LDB2: variants seen among roughly 807,000 people sequenced by gnomAD.
The protein encoded by LDB2 is LIM domain-binding protein 2.
Under a neutral mutation model 44.3 loss-of-function variants are expected in LDB2, and 12 were observed. The ratio of observed to expected loss-of-function variants is 0.27; its 90% CI spans 0.17 to 0.44. The LOEUF (loss-of-function observed/expected upper bound fraction) is 0.44, where lower values mean the gene tolerates loss of function less well. LDB2 is among the 20% of genes least tolerant of loss of function. The pLI, the probability that LDB2 is intolerant of heterozygous loss-of-function variation, is 1.00. For synonymous variants in LDB2, 164 were observed against 174.8 expected (o/e 0.94, Z 0.49); for missense variants, 344 against 473.5 (o/e 0.73, Z 2.54).
intron 2 of LDB2, among the ~76,000 whole-genome samples, chr4:16,659,671 G>GTGTGTATATATATATATCTATATATA (rs1315288524): frequency 7.5e-6 from 1 of 133,522 alleles, no homozygotes; most frequent in African/African-American, 3.0e-5. Context: ...ATCTATGTGT[G>GTGTGTATATATATATATCTATATATA]TATATATATA....
intron 5 of LDB2, among the ~76,000 whole-genome samples, chr4:16,562,974 C>A (rs1369277339): frequency 6.6e-6 from 1 of 151,932 alleles, no homozygotes; most frequent in African/African-American, 2.4e-5. Context: ...GGACAAAAAA[C>A]CAAACACCGC....
At chr4:16,674,845 C>T (rs768971661) in intron 2 of LDB2, among the ~76,000 whole-genome samples, 18 of 152,104 alleles carry the variant, frequency 1.2e-4, no homozygotes, top group South Asian at 6.2e-4. Flanking sequence ...CTCTCTTCTT[C>T]GGTGAATTTC....
Position 16,808,846 on chromosome 4 carries a change from T to C in LDB2, c.133-49586A>G, listed in dbSNP as rs140933477. ...TAGTACAGCAGTAAATAGCGGGTCC[T>C]GGTGTACATTTATGGCTAGCTCTCC... On this transcript the variant is annotated intron_variant, in intron 1 of 7. Transcript: ENST00000304523. Among the ~76,000 whole-genome samples the C allele has an allele frequency of 6.6e-5, 10 of 152,298 alleles. No homozygotes were observed. In the East Asian group the frequency reaches 1.4e-3, roughly 21 times the overall value.
chr4:16,793,070 G>A (rs1343211481), intron 1 of LDB2, among the ~76,000 whole-genome samples: 1 of 152,160 alleles, frequency 6.6e-6, no homozygotes, highest in African/African-American at 2.4e-5. Flanking sequence ...GAGGTTGAAG[G>A]TGGCTATTTT....
intron 5 of LDB2, among the ~76,000 whole-genome samples, chr4:16,553,231 C>T (rs896012645): frequency 1.3e-5 from 2 of 152,210 alleles, no homozygotes; most frequent in Non-Finnish European, 2.9e-5. Flanking sequence ...TAGCTCATTG[C>T]AGCCTTGAAC....
At chr4:16,767,697 G>C (rs554230395) in intron 1 of LDB2, among the ~76,000 whole-genome samples, 10 of 152,358 alleles carry the variant, frequency 6.6e-5, no homozygotes, top group African/African-American at 2.4e-4. Context: ...CCTGAACACA[G>C]ACAGGGGAAG....
At chr4:16,734,934 C>T (rs1023452845) in intron 2 of LDB2, among the ~76,000 whole-genome samples, 1 of 151,898 alleles carries the variant, frequency 6.6e-6, no homozygotes, top group Non-Finnish European at 1.5e-5. Flanking sequence ...GTCTCGAACT[C>T]CTGACCTCAG....
At position 16,662,169 on chromosome 4, in the gene LDB2, T is replaced by C. The variant is rs544310071; in HGVS notation, c.236-66294A>G. ...TTGAATAGCTTGGTTTCTACCCGAC[T>C]CATGCCATTCCTCACCACAGTGCCC... is the stretch of plus-strand genomic sequence containing the variant. On this transcript the variant is annotated intron_variant, in intron 2 of 7. Coordinates refer to ENST00000304523, the MANE Select transcript of LDB2 (RefSeq NM_001290.5). Among the ~76,000 whole-genome samples, 11 of 152,278 alleles carry C rather than the reference T, an allele frequency of 7.2e-5. No homozygotes were observed. The South Asian group carries it at 1.7e-3, about 23-fold the overall frequency.
chr4:16,763,351 G>T (rs940914188), intron 1 of LDB2, among the ~76,000 whole-genome samples: 1 of 151,204 alleles, frequency 6.6e-6, no homozygotes, highest in Non-Finnish European at 1.5e-5. Flanking sequence ...ACCCTACTTT[G>T]TCTGTTGGTC....
chr4:16,664,576 C>T (rs771214649), intron 2 of LDB2, among the ~76,000 whole-genome samples: 5 of 152,128 alleles, frequency 3.3e-5, no homozygotes, highest in Non-Finnish European at 7.3e-5. Context: ...AATTAGTTAT[C>T]ATGAGTCTGC....
chr4:16,842,828 T>A (rs1786142392), intron 1 of LDB2, among the ~76,000 whole-genome samples: 1 of 152,208 alleles, frequency 6.6e-6, no homozygotes, highest in Non-Finnish European at 1.5e-5. Flanking sequence ...TGGGTTTGAA[T>A]CCAATTCTAC....
At chr4:16,671,121 CA>C (rs200353399) in intron 2 of LDB2, among the ~76,000 whole-genome samples, 2 of 145,844 alleles carry the variant, frequency 1.4e-5, no homozygotes, top group Non-Finnish European at 3.0e-5. Context: ...AAAAAAAAAA[CA>C]AAAAAAACAA....
chr4:16,718,355 A>C (rs1050777818), intron 2 of LDB2, among the ~76,000 whole-genome samples: 1 of 152,142 alleles, frequency 6.6e-6, no homozygotes, highest in Non-Finnish European at 1.5e-5. Context: ...CAATCCATTG[A>C]ATATGTCGAG....
At chr4:16,811,328 C>T (rs1779823484) in intron 1 of LDB2, among the ~76,000 whole-genome samples, 1 of 152,180 alleles carries the variant, frequency 6.6e-6, no homozygotes, top group South Asian at 2.1e-4. Flanking sequence ...AAGCAGATAC[C>T]TCACTTAGTA....
intron 5 of LDB2, among the ~76,000 whole-genome samples, chr4:16,584,136 A>G (rs1286150692): frequency 1.3e-5 from 2 of 152,196 alleles, no homozygotes; most frequent in Non-Finnish European, 2.9e-5. Context: ...AATGATGGGT[A>G]CACAGAAGGT....
chr4:16,653,287 C>G (rs1221343963), intron 2 of LDB2, among the ~76,000 whole-genome samples: 1 of 152,110 alleles, frequency 6.6e-6, no homozygotes, highest in Non-Finnish European at 1.5e-5. Flanking sequence ...TTCTCCCCAC[C>G]GCCAGCCCTG....
chr4:16,517,879 G>GTGGATGGATGGA lies in LDB2; in HGVS notation c.616-5787_616-5776dup, dbSNP rs34267672. Among the ~76,000 whole-genome samples, 10 of 148,762 alleles carry GTGGATGGATGGA rather than the reference G, an allele frequency of 6.7e-5. No individual in the cohort carries two copies. The East Asian group carries it at 1.6e-3, about 24-fold the overall frequency. ...ATCACAACAGGAACTTGATGAATGA[G>GTGGATGGATGGA]TGGATGGATGGATGGATGGATGGAT... On this transcript the variant is annotated intron_variant, in intron 5 of 7. Transcript: ENST00000304523.
At chr4:16,759,492 T>G (rs1767412144) in intron 1 of LDB2, 1 of 463,236 alleles carries the variant, frequency 2.2e-6, no homozygotes, top group Non-Finnish European at 3.8e-6. Context: ...TAAAAATTAA[T>G]TCTCCAGGAT....
intron 1 of LDB2, among the ~76,000 whole-genome samples, chr4:16,854,449 T>G (rs2110208004): frequency 6.6e-6 from 1 of 151,452 alleles, no homozygotes; most frequent in East Asian, 1.9e-4. Context: ...ACAGTGGTTA[T>G]TTTGCTATGT....
Sources: allele counts gnomAD v4.1 joint callset (sites outside exome capture counted in the v4.1 genomes callset), GRCh38; gene constraint gnomAD v4.1.1; transcripts MANE v1.5; gene names NCBI Gene and HGNC (gene_info 2026-07-23, HGNC 2026-07-21).